Variants in ERG observed in about 807,000 individuals in gnomAD.
ERG encodes the protein ETS transcription factor ERG.
Under a neutral mutation model 55.3 loss-of-function variants are expected in ERG, and 9 were observed. That is an observed-to-expected ratio of 0.16 (90% confidence interval 0.10 to 0.28). The LOEUF (loss-of-function observed/expected upper bound fraction) is 0.28, where lower values mean the gene tolerates loss of function less well. ERG is among the 10% of genes least tolerant of loss of function. The probability of loss-of-function intolerance (pLI) is 1.00; values close to 1 mark genes in which losing one functional copy is unlikely to be tolerated. For synonymous variants in ERG, 223 were observed against 237.3 expected, an observed-to-expected ratio of 0.94 and a Z score of 0.55; for missense variants, 434 against 631.6, an observed-to-expected ratio of 0.69 and a Z score of 3.35.
At chr21:38,588,897 T>A (rs571486205), upstream of ERG, among the ~76,000 whole-genome samples, 1,737 of 151,224 alleles carry the variant, frequency 0.011, 27 homozygotes, top group African/African-American at 0.039. Context: ...GGCTAATTTT[T>A]AAAAAAAAAA....
intron 1 of ERG, among the ~76,000 whole-genome samples, chr21:38,576,080 C>T (rs139273170): frequency 9.6e-4 from 146 of 152,306 alleles, no homozygotes; most frequent in Non-Finnish European, 1.7e-3. Context: ...TAAAGGAAGA[C>T]GTGGGACTAA....
chr21:38,506,443 C>G (rs549568302), intron 2 of ERG, among the ~76,000 whole-genome samples: 1 of 152,038 alleles, frequency 6.6e-6, no homozygotes, highest in East Asian at 1.9e-4. Context: ...CCCTTCCTTT[C>G]TCAAAAAAAA....
At chr21:38,450,903 A>G (rs2058935508) in intron 1 of ERG, 2 of 456,204 alleles carry the variant, frequency 4.4e-6, no homozygotes, top group Non-Finnish European at 8.8e-6. Flanking sequence ...GTCAGCTGTG[A>G]TTCTTGCCCA....
At chr21:38,593,621 C>G (rs887156981) in intron 1 of ERG, among the ~76,000 whole-genome samples, 1 of 151,940 alleles carries the variant, frequency 6.6e-6, no homozygotes, top group African/African-American at 2.4e-5. Flanking sequence ...TTTATATTTG[C>G]AAATGAACAA....
chr21:38,512,201 G>A (rs1370786408), intron 2 of ERG, among the ~76,000 whole-genome samples: 2 of 152,118 alleles, frequency 1.3e-5, no homozygotes, highest in South Asian at 2.1e-4. Flanking sequence ...CTATCCATAA[G>A]TGTAAACCAT....
intron 2 of ERG, among the ~76,000 whole-genome samples, chr21:38,543,382 A>G (rs1190785636): frequency 5.4e-5 from 8 of 148,498 alleles, no homozygotes; most frequent in African/African-American, 2.0e-4. Context: ...AAGCAATTCC[A>G]CTGTAATTTT....
At position 38,435,590 on chromosome 21, in the gene ERG, A is replaced by G. The variant is rs150966823; in HGVS notation, c.236+9814T>C. Among the ~76,000 whole-genome samples the G allele has an allele frequency of 6.6e-5, 10 of 152,304 alleles. No homozygotes were observed. The East Asian group carries it at 1.9e-3, about 29-fold the overall frequency. ...GTCCTGTTCCCTCCCCCTTCCCTGA[A>G]GCAGTTGAAGACAAAATTAATTAAA... On this transcript the variant is annotated intron_variant, in intron 2 of 9. Coordinates refer to ENST00000288319, the MANE Select transcript of ERG (RefSeq NM_182918.4).
chr21:38,388,619 T>G (rs777398837), intron 9 of ERG, among the ~76,000 whole-genome samples: 1 of 152,090 alleles, frequency 6.6e-6, no homozygotes, highest in East Asian at 1.9e-4. Flanking sequence ...AACCTAAAGA[T>G]AGATGGAGAG....
chr21:38,524,450 C>T (rs17230645), intron 2 of ERG, among the ~76,000 whole-genome samples: 20,667 of 152,132 alleles, frequency 0.14, 1,494 homozygotes, highest in African/African-American at 0.17. Context: ...GACTATTAGT[C>T]AACAGAATCA....
upstream of ERG, among the ~76,000 whole-genome samples, chr21:38,587,890 T>C (rs1277471612): frequency 6.6e-6 from 1 of 152,240 alleles, no homozygotes; most frequent in African/African-American, 2.4e-5. Flanking sequence ...TGATTTATGG[T>C]TGAGACATTG....
intron 1 of ERG, among the ~76,000 whole-genome samples, chr21:38,458,107 AG>A (rs1222716338): frequency 1.4e-4 from 22 of 152,222 alleles, no homozygotes; most frequent in African/African-American, 5.1e-4. Context: ...AGCCGACTGG[AG>A]CACTGAGCTC....
At chr21:38,526,883 C>A (rs1283351395) in intron 2 of ERG, among the ~76,000 whole-genome samples, 1 of 152,024 alleles carries the variant, frequency 6.6e-6, no homozygotes, top group African/African-American at 2.4e-5. Flanking sequence ...ATATTAAGAA[C>A]TGAAAAAACT....
intron 1 of ERG, among the ~76,000 whole-genome samples, chr21:38,493,743 C>G (rs186636768): frequency 8.7e-4 from 133 of 152,274 alleles, no homozygotes; most frequent in African/African-American, 3.1e-3. Context: ...GCTCCACCTG[C>G]CCCTGTGTGT....
chr21:38,520,008 G>A (rs562299143), intron 2 of ERG, among the ~76,000 whole-genome samples: 2 of 149,424 alleles, frequency 1.3e-5, no homozygotes, highest in East Asian at 2.0e-4. Context: ...CACACATACA[G>A]ACACACACAC....
chr21:38,643,228 C>T (rs1442645851), intron 1 of ERG, among the ~76,000 whole-genome samples: 1 of 152,202 alleles, frequency 6.6e-6, no homozygotes, highest in Non-Finnish European at 1.5e-5. Flanking sequence ...TGGTAGCAAT[C>T]AGGCAGGATA....
At chr21:38,572,945 C>G (rs966797985) in intron 2 of ERG, among the ~76,000 whole-genome samples, 1 of 152,196 alleles carries the variant, frequency 6.6e-6, no homozygotes, top group Admixed American at 6.5e-5. Flanking sequence ...AAGACCTGTA[C>G]TTTAAACAAT....
intron 1 of ERG, among the ~76,000 whole-genome samples, chr21:38,637,306 C>G (rs780850685): frequency 2.0e-5 from 3 of 152,118 alleles, no homozygotes; most frequent in Non-Finnish European, 4.4e-5. Flanking sequence ...GCAAACGGAA[C>G]CTGACTGAAT....
At position 38,604,698 on chromosome 21, in the gene ERG, T is replaced by C. The variant is rs561120049; in HGVS notation, c.-149-19753A>G. ...ATAATGTGTACATTGTTAGTATTAC[T>C]GATTGTGTCCTGTCTAAGTACGAAC... On this transcript the variant is annotated intron_variant, in intron 1 of 10. Coordinates refer to the ERG transcript ENST00000398910. Among the ~76,000 whole-genome samples the C allele has an allele frequency of 2.0e-5, 3 of 152,374 alleles. No homozygotes were observed. The South Asian group carries it at 6.2e-4, about 32-fold the overall frequency.
At chr21:38,422,499 G>T (rs1424962562) in intron 3 of ERG, among the ~76,000 whole-genome samples, 2 of 152,194 alleles carry the variant, frequency 1.3e-5, no homozygotes, top group Non-Finnish European at 2.9e-5. Context: ...ATGTCCATTT[G>T]CAAAGATTGC....
Sources: gnomAD v4.1 joint callset for allele counts (sites outside exome capture counted in the v4.1 genomes callset) on GRCh38, gnomAD v4.1.1 for gene constraint, MANE v1.5 for transcripts, NCBI Gene and HGNC (gene_info 2026-07-23, HGNC 2026-07-21) for gene names.